Variants in CEP63 observed in about 807,000 individuals in gnomAD.
CEP63 encodes centrosomal protein of 63 kDa.
CEP63 carries 84 observed loss-of-function variants against 89.1 expected under a neutral mutation model. The observed-to-expected ratio is 0.94, with a 90% confidence interval of 0.79 to 1.13. The LOEUF is 1.13. Ranked by LOEUF, CEP63 falls within the 50% of genes most tolerant of loss-of-function variation. CEP63 has a pLI of 0.00. For synonymous variants in CEP63, 267 were observed against 272.5 expected (o/e 0.98, Z 0.20); for missense variants, 838 against 813.3 (o/e 1.03, Z -0.37).
Position 134,559,231 on chromosome 3 carries a change from G to A in CEP63, c.1755G>A (p.Ala585=), listed in dbSNP as rs762295771. Residue 585 remains alanine (A), a synonymous_variant, in exon 14 of 15, where the codon GCG becomes GCA. Coordinates refer to ENST00000675561, the MANE Select transcript of CEP63 (RefSeq NM_001353108.3). The part of the protein sequence containing the change: ...KTDLHSPRGQ[A]SDSINPMSRV... ...ATCTTCATTCTCCAAGAGGACAAGC[G>A]TCGGATAGTATAAACCCCATGTCTA... 44 of 1,614,026 alleles carry A rather than the reference G, an allele frequency of 2.7e-5. No individual in the cohort carries two copies. Among genetic ancestry groups the A allele is most frequent in the African/African-American group, 5.3e-5 (4 of 74,912 alleles).
the CEP63 span, among the ~76,000 whole-genome samples, chr3:134,671,163 A>G: frequency 6.6e-6 from 1 of 152,234 alleles, no homozygotes; most frequent in Non-Finnish European, 1.5e-5. Flanking sequence ...CATAAAAAAG[A>G]ATGAAATCAT....
chr3:134,726,455 G>GACACACACACACAC, the CEP63 span, among the ~76,000 whole-genome samples: 1 of 51,072 alleles, frequency 2.0e-5, no homozygotes, highest in African/African-American at 4.5e-5. Flanking sequence ...CAGGCACACA[G>GACACACACACACAC]ACAGACACAC....
chr3:134,561,786 A>G lies in CEP63; in HGVS notation c.*251A>G. The stretch of plus-strand genomic sequence containing the variant: ...TGCTAGACTTTTTTCTCATACGAAT[A>G]TTTATTATCATAAAGTGATACTTAC... On this transcript the variant is annotated 3_prime_UTR_variant, in exon 15 of 15. Coordinates refer to ENST00000675561, the MANE Select transcript of CEP63 (RefSeq NM_001353108.3). 7.8e-7 allele frequency: 1 copy of G among 1,288,368 alleles called. No individual in the cohort carries two copies. Among genetic ancestry groups the G allele is most frequent in the South Asian group, 1.7e-5 (1 of 59,728 alleles). The allele number at this position is 1,288,368 out of a possible 1,614,324, so 79.8% of individuals were successfully genotyped here. A position where few individuals can be genotyped will look rare whatever the true frequency, so the allele number is the denominator to read the frequency against.
the CEP63 span, among the ~76,000 whole-genome samples, chr3:134,706,373 C>T: frequency 2.9e-4 from 44 of 152,158 alleles, no homozygotes; most frequent in African/African-American, 1.0e-3. Flanking sequence ...TTATACAGGT[C>T]TCAGTTTCCT....
the CEP63 span, among the ~76,000 whole-genome samples, chr3:134,675,183 T>C: frequency 6.6e-6 from 1 of 152,178 alleles, no homozygotes; most frequent in Non-Finnish European, 1.5e-5. Context: ...GGCATATGAA[T>C]AGACAGATAG....
intron 1 of CEP63, among the ~76,000 whole-genome samples, chr3:134,488,601 T>C (rs1936501790): frequency 6.6e-6 from 1 of 152,032 alleles, no homozygotes; most frequent in Admixed American, 6.5e-5. Context: ...AGTGCAAGAC[T>C]CGGTCTCAAA....
chr3:134,669,279 C>T, the CEP63 span, among the ~76,000 whole-genome samples: 7 of 152,156 alleles, frequency 4.6e-5, no homozygotes, highest in Non-Finnish European at 8.8e-5. Flanking sequence ...CTGCCCACCT[C>T]GGCCTCCAAA....
At chr3:134,547,610 ATTTCTTTT>A (rs1365822063) in intron 9 of CEP63, 138 bp downstream of exon 9, 1 of 222,848 alleles carries the variant, frequency 4.5e-6, no homozygotes, top group Non-Finnish European at 7.2e-6. Flanking sequence ...CTAAGTTCTT[ATTTCTTTT>A]TTTTTTTTTT....
In CEP63 at chr3:134,545,703, T is replaced by G; in HGVS notation, c.673T>G (p.Leu225Val). ...RANDTICANE[L>V]EIERLTMRVN... ...TAATGACACTATCTGTGCCAATGAG[T>G]TGGAAATAGAGCGCCTCACCATGAG... The change falls in exon 7 of 15, where the codon TTG (leucine) becomes GTG (valine). Residue 225 changes from leucine to valine, a missense_variant. Physicochemically the swap from Leu to Val is conservative, Grantham distance 32. Transcript: ENST00000675561. 1 of 1,613,922 alleles carries G rather than the reference T, an allele frequency of 6.2e-7. No individual in the cohort carries two copies.
At chr3:134,726,990 C>T in the CEP63 span, among the ~76,000 whole-genome samples, 38 of 152,180 alleles carry the variant, frequency 2.5e-4, 1 homozygote, top group Non-Finnish European at 5.3e-4. Context: ...TGATCTCTCT[C>T]TCCCTCCCTG....
the CEP63 span, among the ~76,000 whole-genome samples, chr3:134,728,592 G>A: frequency 1.3e-5 from 2 of 152,128 alleles, no homozygotes; most frequent in African/African-American, 2.4e-5. Flanking sequence ...ATAAGACATA[G>A]CCCCTATCCT....
the CEP63 span, among the ~76,000 whole-genome samples, chr3:134,763,476 A>T: frequency 2.0e-5 from 3 of 152,198 alleles, no homozygotes; most frequent in African/African-American, 7.2e-5. Flanking sequence ...GCAGGAGAAG[A>T]TCAGTACATC....
intron 2 of CEP63, among the ~76,000 whole-genome samples, chr3:134,501,437 CTG>C (rs1356454264): frequency 6.6e-6 from 1 of 152,148 alleles, no homozygotes; most frequent in African/African-American, 2.4e-5. Flanking sequence ...GCCGTTTTAA[CTG>C]TATAAATTCT....
chr3:134,710,727 T>A, the CEP63 span, among the ~76,000 whole-genome samples: 2 of 23,588 alleles, frequency 8.5e-5, no homozygotes, highest in African/African-American at 1.6e-4. Context: ...TTTTTCTTTC[T>A]TTTTTTTTTT....
chr3:134,513,172 T>C (rs567220223), intron 3 of CEP63, among the ~76,000 whole-genome samples: 1 of 152,328 alleles, frequency 6.6e-6, no homozygotes, highest in South Asian at 2.1e-4. Context: ...CCTTCATCAT[T>C]ATTCTGGAGG....
intron 10 of CEP63, among the ~76,000 whole-genome samples, chr3:134,585,340 C>T (rs1958462374): frequency 6.6e-6 from 1 of 151,986 alleles, no homozygotes; most frequent in African/African-American, 2.4e-5. Context: ...TATAAATTTC[C>T]CTCTACACAC....
At chr3:134,669,565 G>A in the CEP63 span, among the ~76,000 whole-genome samples, 29 of 152,220 alleles carry the variant, frequency 1.9e-4, no homozygotes, top group East Asian at 5.8e-4. Context: ...ATCAGCTTCC[G>A]CATGGTGTGG....
At chr3:134,601,952 G>T in the CEP63 span, among the ~76,000 whole-genome samples, 30 of 152,348 alleles carry the variant, frequency 2.0e-4, no homozygotes, top group East Asian at 5.4e-3. Flanking sequence ...GGGCCCCCTT[G>T]GTTCACCTCT....
At chr3:134,747,206 C>A in the CEP63 span, among the ~76,000 whole-genome samples, 2 of 152,166 alleles carry the variant, frequency 1.3e-5, no homozygotes, top group Non-Finnish European at 2.9e-5. Context: ...TTGTTTTTGT[C>A]AGGTTTGTCA....
Sources: gnomAD v4.1 joint callset for allele counts (sites outside exome capture counted in the v4.1 genomes callset) on GRCh38, gnomAD v4.1.1 for gene constraint, MANE v1.5 for transcripts, NCBI Gene and HGNC (gene_info 2026-07-23, HGNC 2026-07-21) for gene names.